The following FARS2 variants were observed in gnomAD, a reference collection of about 807,000 sequenced individuals.
FARS2 encodes phenylalanine--tRNA ligase, mitochondrial.
In FARS2, 40 loss-of-function variants were observed where a neutral mutation model predicts 46.4. The ratio of observed to expected loss-of-function variants is 0.86; its 90% CI spans 0.67 to 1.12. The LOEUF is 1.12. Ranked by LOEUF, FARS2 falls within the 50% of genes most tolerant of loss-of-function variation. The pLI, the probability that FARS2 is intolerant of heterozygous loss-of-function variation, is 0.00. For synonymous variants in FARS2, 234 were observed against 214.9 expected (o/e 1.09, Z -0.78); for missense variants, 513 against 567.9 (o/e 0.90, Z 0.98).
chr6:5,431,749 G>T (rs1763182727), intron 4 of FARS2: 1 of 518,946 alleles, frequency 1.9e-6, no homozygotes, highest in Non-Finnish European at 4.0e-6. Flanking sequence ...ATTTCAGAAA[G>T]ATCTGTCTGG....
Position 5,663,658 on chromosome 6 carries a change from A to G in FARS2, c.1217+50338A>G, listed in dbSNP as rs1338418899. ...AAAAAAAGACAAAAGTTGGTGTGGA[A>G]GAAGGGGTGGCGCGGGCTCCATGGC... On this transcript the variant is annotated intron_variant, in intron 6 of 6. Coordinates refer to ENST00000274680, the MANE Select transcript of FARS2 (RefSeq NM_006567.5). Among the ~76,000 whole-genome samples, 9 of 152,182 alleles carry G rather than the reference A, an allele frequency of 5.9e-5. No homozygotes were observed. The Middle Eastern group carries it at 0.014, about 232-fold the overall frequency.
At chr6:5,618,258 T>C (rs961908733) in intron 6 of FARS2, among the ~76,000 whole-genome samples, 27 of 152,142 alleles carry the variant, frequency 1.8e-4, no homozygotes, top group African/African-American at 6.3e-4. Flanking sequence ...TACTGGGAGA[T>C]CATCCTTCCT....
intron 1 of FARS2, among the ~76,000 whole-genome samples, chr6:5,294,501 C>G (rs1767719738): frequency 6.6e-6 from 1 of 152,178 alleles, no homozygotes; most frequent in Non-Finnish European, 1.5e-5. Flanking sequence ...TTCTGACACT[C>G]TCTACCCAGA....
chr6:5,449,352 C>CAAAAAAAAA (rs5873985), intron 4 of FARS2, among the ~76,000 whole-genome samples: 1 of 120,864 alleles, frequency 8.3e-6, no homozygotes, highest in Non-Finnish European at 1.7e-5. Context: ...GACTCCATCT[C>CAAAAAAAAA]AAAAAAAAAA....
intron 3 of FARS2, among the ~76,000 whole-genome samples, chr6:5,421,546 T>C (rs1172211898): frequency 1.3e-5 from 2 of 152,236 alleles, no homozygotes; most frequent in Admixed American, 1.3e-4. Flanking sequence ...CAAACTTTTA[T>C]GCTCTGCTTT....
intron 1 of FARS2, among the ~76,000 whole-genome samples, chr6:5,334,650 G>T (rs1581808468): frequency 6.6e-6 from 1 of 152,162 alleles, no homozygotes. Flanking sequence ...TGAAAATCAA[G>T]TGTGGTGGAA....
chr6:5,358,810 G>C lies in FARS2; in HGVS notation c.-21-9740G>C, dbSNP rs564461396. On this transcript the variant is annotated intron_variant, in intron 1 of 6. Coordinates refer to ENST00000274680, the MANE Select transcript of FARS2 (RefSeq NM_006567.5). ...TAGGACAGCAAAACGGATTTCTTTT[G>C]GAACTAAGTACTATGATTTGTGTCT... Among the ~76,000 whole-genome samples the C allele has an allele frequency of 1.1e-3, 164 of 151,860 alleles. 1 individual carries two copies. The Middle Eastern group carries it at 0.021, about 19-fold the overall frequency.
chr6:5,720,181 A>C (rs746195205), intron 6 of FARS2, among the ~76,000 whole-genome samples: 14 of 152,212 alleles, frequency 9.2e-5, no homozygotes, highest in Non-Finnish European at 1.8e-4. Flanking sequence ...ACTAGTTTTA[A>C]ATTTTTATCT....
chr6:5,610,138 A>C (rs189647106), intron 5 of FARS2: 1 of 1,100,864 alleles, frequency 9.1e-7, no homozygotes, highest in Non-Finnish European at 1.4e-6. Context: ...TCAAAGCTCA[A>C]CCCTCCAATG....
intron 4 of FARS2, among the ~76,000 whole-genome samples, chr6:5,488,492 A>G (rs1766909330): frequency 6.6e-6 from 1 of 152,238 alleles, no homozygotes; most frequent in South Asian, 2.1e-4. Context: ...ATTTGGCCAT[A>G]TATGAAGTCA....
At chr6:5,251,177 T>C in the FARS2 span, among the ~76,000 whole-genome samples, 6 of 151,870 alleles carry the variant, frequency 4.0e-5, no homozygotes, top group South Asian at 6.2e-4. Flanking sequence ...AATATATACA[T>C]ACACACACAC....
rs189731122 is a variant in FARS2, at chr6:5,477,542, A to G, written c.904+46370A>G. Among the ~76,000 whole-genome samples, 502 of 152,308 alleles carry G rather than the reference A, an allele frequency of 3.3e-3. 3 individuals carry two copies. The highest frequency in any genetic ancestry group is 5.7e-3 in the Non-Finnish European group (385 of 68,032). On this transcript the variant is annotated intron_variant, in intron 4 of 6. Coordinates refer to ENST00000274680, the MANE Select transcript of FARS2 (RefSeq NM_006567.5). ...CATCTCCAGGACATATAACATAGTGATTAGGAACACTGGCTCTGAAGTCAG... is the reference window on the plus strand; with the variant it reads ...CATCTCCAGGACATATAACATAGTGGTTAGGAACACTGGCTCTGAAGTCAG...
At position 5,331,644 on chromosome 6, in the gene FARS2, A is replaced by G. The variant is rs746048183; in HGVS notation, c.-21-36906A>G. On this transcript the variant is annotated intron_variant, in intron 1 of 6. Coordinates refer to ENST00000274680, the MANE Select transcript of FARS2 (RefSeq NM_006567.5). ...CCAGCCCAGTTTCACCTCAGCTGGT[A>G]TTGTTACTGGGTCAGAGTGGGGTTG... Among the ~76,000 whole-genome samples, 62 of 152,194 alleles carry G rather than the reference A, an allele frequency of 4.1e-4. 1 individual carries two copies. The highest frequency in any genetic ancestry group is 8.4e-4 in the Non-Finnish European group (57 of 68,038).
intron 5 of FARS2, among the ~76,000 whole-genome samples, chr6:5,576,612 TAAAG>T (rs1772991403): frequency 6.8e-6 from 1 of 147,806 alleles, no homozygotes; most frequent in Non-Finnish European, 1.5e-5. Flanking sequence ...ATTATATATA[TAAAG>T]TATATATCAT....
At chr6:5,443,547 T>C (rs1046724467) in intron 4 of FARS2, among the ~76,000 whole-genome samples, 2 of 152,212 alleles carry the variant, frequency 1.3e-5, no homozygotes, top group African/African-American at 2.4e-5. Flanking sequence ...TTTTTGCCCT[T>C]TTTAGCTTCT....
chr6:5,594,276 A>G (rs747584099), intron 5 of FARS2, among the ~76,000 whole-genome samples: 1 of 152,180 alleles, frequency 6.6e-6, no homozygotes, highest in East Asian at 1.9e-4. Flanking sequence ...CACCTTTGTC[A>G]TTCCCTGAGC....
upstream of FARS2, among the ~76,000 whole-genome samples, chr6:5,258,551 G>C (rs577826320): frequency 2.2e-4 from 33 of 152,364 alleles, no homozygotes; most frequent in South Asian, 6.6e-3. Flanking sequence ...GCAGAGATTA[G>C]AGAGGAGGGA....
At chr6:5,400,756 G>A (rs377167445) in intron 2 of FARS2, among the ~76,000 whole-genome samples, 2 of 151,780 alleles carry the variant, frequency 1.3e-5, no homozygotes, top group East Asian at 3.9e-4. Flanking sequence ...TAAGAATGAT[G>A]TATTAAAGTT....
intron 5 of FARS2, among the ~76,000 whole-genome samples, chr6:5,588,504 G>A (rs980759478): frequency 1.3e-5 from 2 of 152,232 alleles, no homozygotes; most frequent in East Asian, 1.9e-4. Context: ...AAAGTCCTAG[G>A]GACCTCTGCT....
Sources: allele counts gnomAD v4.1 joint callset (sites outside exome capture counted in the v4.1 genomes callset), GRCh38; gene constraint gnomAD v4.1.1; transcripts MANE v1.5; gene names NCBI Gene and HGNC (gene_info 2026-07-23, HGNC 2026-07-21).